ZFPM2: variants seen among roughly 807,000 people sequenced by gnomAD.
ZFPM2 encodes the protein zinc finger protein ZFPM2.
ZFPM2 carries 20 observed loss-of-function variants against 98.6 expected under a neutral mutation model. The observed-to-expected ratio is 0.20, with a 90% CI of 0.14 to 0.29. The LOEUF is 0.29. Among genes scored for constraint, ZFPM2 ranks in the 10% least tolerant of loss-of-function variants. The pLI, the probability that ZFPM2 is intolerant of heterozygous loss-of-function variation, is 1.00. For missense variants in ZFPM2, 1,310 were observed against 1,388.6 expected, an observed-to-expected ratio of 0.94 and a Z score of 0.90; for synonymous variants, 518 against 502.7, an observed-to-expected ratio of 1.03 and a Z score of -0.41.
intron 5 of ZFPM2, among the ~76,000 whole-genome samples, chr8:105,663,572 G>A (rs1324920781): frequency 6.6e-6 from 1 of 152,004 alleles, no homozygotes; most frequent in Non-Finnish European, 1.5e-5. Context: ...TTATAAAATG[G>A]CTACTATTAT....
intron 3 of ZFPM2, chr8:105,528,757 A>T (rs1814229250): frequency 6.6e-6 from 1 of 152,134 alleles, no homozygotes; most frequent in Non-Finnish European, 1.5e-5. Flanking sequence ...TCATCATGGC[A>T]TTGTGGAAAT....
chr8:105,559,299 G>A (rs552943243), intron 3 of ZFPM2, among the ~76,000 whole-genome samples: 11 of 152,230 alleles, frequency 7.2e-5, no homozygotes, highest in Admixed American at 2.6e-4. Context: ...TTTACTATAC[G>A]TATTCTATTT....
At chr8:105,529,352 A>T (rs185059109) in intron 3 of ZFPM2, among the ~76,000 whole-genome samples, 1 of 152,262 alleles carries the variant, frequency 6.6e-6, no homozygotes, top group Non-Finnish European at 1.5e-5. Context: ...TGGGGGGCAC[A>T]GTTTAGTTCA....
intron 3 of ZFPM2, among the ~76,000 whole-genome samples, chr8:105,540,663 A>G (rs1206079112): frequency 6.6e-6 from 1 of 152,092 alleles, no homozygotes; most frequent in South Asian, 2.1e-4. Flanking sequence ...AAAACAAACT[A>G]TGTTGCACGT....
At chr8:105,714,016 G>A (rs1458948587) in intron 5 of ZFPM2, among the ~76,000 whole-genome samples, 10 of 152,008 alleles carry the variant, frequency 6.6e-5, no homozygotes, top group Admixed American at 1.3e-4. Context: ...AAATTTTATA[G>A]CAATGGTGTT....
intron 5 of ZFPM2, among the ~76,000 whole-genome samples, chr8:105,668,070 G>A (rs566680436): frequency 6.6e-6 from 1 of 152,202 alleles, no homozygotes; most frequent in African/African-American, 2.4e-5. Context: ...CCCATAGGAG[G>A]GACTCAAGAA....
In ZFPM2 at chr8:105,798,967, T is replaced by C. The variant is rs771545183; in HGVS notation, c.964+19T>C. On this transcript the variant is annotated intron_variant, in intron 7 of 7. Coordinates refer to ENST00000407775, the MANE Select transcript of ZFPM2 (RefSeq NM_012082.4). ...CACAGTGGTAAATGCCCCTTTTGTT[T>C]CTTCTGTTGCTCCAGAAGACTCTGT... 9.4e-6 allele frequency: 15 copies of C among 1,600,172 alleles called. No homozygotes were observed. The highest frequency in any genetic ancestry group is 1.3e-5 in the African/African-American group (1 of 74,570).
At chr8:105,390,683 C>T (rs1194405865) in intron 1 of ZFPM2, among the ~76,000 whole-genome samples, 2 of 152,086 alleles carry the variant, frequency 1.3e-5, no homozygotes, top group Admixed American at 1.3e-4. Flanking sequence ...CTGTGCAGGA[C>T]AAAGACCAGA....
At chr8:105,595,091 A>G (rs1328922942) in intron 4 of ZFPM2, among the ~76,000 whole-genome samples, 2 of 152,196 alleles carry the variant, frequency 1.3e-5, no homozygotes, top group African/African-American at 2.4e-5. Flanking sequence ...AACCAGGTTT[A>G]GAAAAGGACA....
chr8:105,547,688 T>G (rs1202278102), intron 3 of ZFPM2, among the ~76,000 whole-genome samples: 1 of 152,124 alleles, frequency 6.6e-6, no homozygotes, highest in Non-Finnish European at 1.5e-5. Flanking sequence ...TAAGTCATCT[T>G]TACATTTATA....
At chr8:105,620,689 A>G (rs1453549187) in intron 4 of ZFPM2, among the ~76,000 whole-genome samples, 1 of 152,152 alleles carries the variant, frequency 6.6e-6, no homozygotes, top group East Asian at 1.9e-4. Context: ...TCTTTAATCC[A>G]TCTTGAATTG....
intron 1 of ZFPM2, among the ~76,000 whole-genome samples, chr8:105,362,306 G>A (rs1466368063): frequency 6.6e-6 from 1 of 151,950 alleles, no homozygotes; most frequent in African/African-American, 2.4e-5. Context: ...GTAATATTGT[G>A]AGGTGACAAT....
At chr8:105,729,942 A>C (rs1176862221) in intron 5 of ZFPM2, among the ~76,000 whole-genome samples, 1 of 151,294 alleles carries the variant, frequency 6.6e-6, no homozygotes, top group African/African-American at 2.4e-5. Flanking sequence ...ATATTTAAAT[A>C]TATTATGCAC....
intron 5 of ZFPM2, among the ~76,000 whole-genome samples, chr8:105,769,991 C>A (rs193248732): frequency 6.6e-6 from 1 of 151,998 alleles, no homozygotes; most frequent in Non-Finnish European, 1.5e-5. Context: ...TAAAAACATT[C>A]TCTTTTTCCC....
intron 1 of ZFPM2, among the ~76,000 whole-genome samples, chr8:105,360,194 T>C (rs1031576384): frequency 6.6e-6 from 1 of 152,208 alleles, no homozygotes; most frequent in Non-Finnish European, 1.5e-5. Flanking sequence ...ACCGAATTAT[T>C]ATCACTTCCA....
At chr8:105,641,800 G>T (rs1431746342) in intron 5 of ZFPM2, among the ~76,000 whole-genome samples, 1 of 152,022 alleles carries the variant, frequency 6.6e-6, no homozygotes, top group African/African-American at 2.4e-5. Context: ...TTTCCTTAAT[G>T]AAATGTTGGT....
chr8:105,339,191 C>T (rs1812381049), intron 1 of ZFPM2, among the ~76,000 whole-genome samples: 1 of 151,644 alleles, frequency 6.6e-6, no homozygotes, highest in African/African-American at 2.4e-5. Flanking sequence ...CATTTCAGCC[C>T]CCTCACTACC....
At chr8:105,351,362 T>TGC (rs944300260) in intron 1 of ZFPM2, among the ~76,000 whole-genome samples, 1 of 150,850 alleles carries the variant, frequency 6.6e-6, no homozygotes, top group Non-Finnish European at 1.5e-5. Context: ...TTCGTGTGTG[T>TGC]GTGTGTGTGT....
chr8:105,800,992 A>G (rs760366015), intron 7 of ZFPM2, 55 bp from the exon 8 acceptor site: 4 of 1,516,180 alleles, frequency 2.6e-6, no homozygotes, highest in Non-Finnish European at 8.9e-7. Context: ...GGTCCCTGTC[A>G]TTCAAAAACC....
Sources: gnomAD v4.1 joint callset for allele counts (sites outside exome capture counted in the v4.1 genomes callset) on GRCh38, gnomAD v4.1.1 for gene constraint, MANE v1.5 for transcripts, NCBI Gene and HGNC (gene_info 2026-07-23, HGNC 2026-07-21) for gene names.